The following CPLX2 variants were observed in gnomAD, a reference collection of about 807,000 sequenced individuals.
CPLX2 encodes complexin-2.
Under a neutral mutation model 16.3 loss-of-function variants are expected in CPLX2, and 5 were observed. That is an observed-to-expected ratio of 0.31 (90% CI 0.16 to 0.64). The LOEUF is 0.64. Ranked by LOEUF, CPLX2 falls within the 30% of genes least tolerant of loss-of-function variation. The pLI is 0.79. For missense variants in CPLX2, 144 were observed against 181.4 expected (o/e 0.79, Z 1.18); for synonymous variants, 89 against 73.2 (o/e 1.22, Z -1.10).
intron 2 of CPLX2, among the ~76,000 whole-genome samples, chr5:175,810,949 T>C (rs750624992): frequency 6.6e-6 from 1 of 152,238 alleles, no homozygotes; most frequent in Non-Finnish European, 1.5e-5. Flanking sequence ...GCCTGTGTTA[T>C]AGATTCTATT....
Position 175,830,305 on chromosome 5 carries a change from G to A in CPLX2, c.-89+21237G>A, listed in dbSNP as rs1758711011. ...TTTCACAACTCATGAGAGAGGAAGA[G>A]ATGATTAGCCCCATTTTTCAGCTGA... On this transcript the variant is annotated intron_variant, in intron 2 of 4. Transcript: ENST00000359546. The surrounding 1 kb of genome is among the most constrained non-coding windows in gnomAD (Gnocchi z 4.0). Among the ~76,000 whole-genome samples, 1 of 152,202 alleles carries A rather than the reference G, an allele frequency of 6.6e-6. No individual in the cohort carries two copies. Among genetic ancestry groups the A allele is most frequent in the African/African-American group, 2.4e-5 (1 of 41,450 alleles).
At chr5:175,825,701 C>G (rs1758599482) in intron 2 of CPLX2, among the ~76,000 whole-genome samples, 1 of 152,146 alleles carries the variant, frequency 6.6e-6, no homozygotes, top group African/African-American at 2.4e-5. Context: ...CCACCATCTG[C>G]TTCCACATCT....
chr5:175,839,973 G>T (rs117693740), intron 2 of CPLX2, among the ~76,000 whole-genome samples: 1 of 152,174 alleles, frequency 6.6e-6, no homozygotes, highest in Non-Finnish European at 1.5e-5. Flanking sequence ...TGGGGGGAAG[G>T]TTATCACCCT....
At position 175,845,497 on chromosome 5, in the gene CPLX2, C is replaced by T. The variant is rs996405693; in HGVS notation, c.-88-33155C>T. Reference sequence around the variant, plus strand: ...GCAGATTATCCCATCAGGCAAAGGTCACTCCCCCTCATGAGGGCCACTCCC... The same window carrying T: ...GCAGATTATCCCATCAGGCAAAGGTTACTCCCCCTCATGAGGGCCACTCCC... On this transcript the variant is annotated intron_variant, in intron 2 of 4. Coordinates refer to the CPLX2 transcript ENST00000359546. The surrounding 1 kb of genome is among the most constrained non-coding windows in gnomAD (Gnocchi z 4.0). Among the ~76,000 whole-genome samples the T allele has an allele frequency of 6.6e-6, 1 of 152,228 alleles. No individual in the cohort carries two copies. Among genetic ancestry groups the T allele is most frequent in the Non-Finnish European group, 1.5e-5 (1 of 68,030 alleles).
At chr5:175,811,156 T>C (rs946040237) in intron 2 of CPLX2, among the ~76,000 whole-genome samples, 3 of 152,214 alleles carry the variant, frequency 2.0e-5, no homozygotes, top group African/African-American at 7.2e-5. Flanking sequence ...GAATGAATGA[T>C]TATGAATGAT....
chr5:175,853,142 A>T (rs1339188775), intron 2 of CPLX2, among the ~76,000 whole-genome samples: 5 of 152,214 alleles, frequency 3.3e-5, no homozygotes, highest in Non-Finnish European at 7.3e-5. Flanking sequence ...TAAAGTGCCC[A>T]TGTGAGGTTT....
intron 1 of CPLX2, among the ~76,000 whole-genome samples, chr5:175,806,664 A>AT (rs5873514): frequency 0.76 from 108,587 of 142,964 alleles, 41,138 homozygotes; most frequent in East Asian, 0.89. Context: ...TTAATTTTGT[A>AT]TTTTTTTTTT....
In CPLX2 at chr5:175,824,601, A is replaced by G. The variant is rs367738469; in HGVS notation, c.-89+15533A>G. ...AACTTGGCAGTGAAACAGGCCAAGC[A>G]GGGGACCTGAAAGTCAAGAGGAGGG... On this transcript the variant is annotated intron_variant, in intron 2 of 4. Coordinates refer to the CPLX2 transcript ENST00000359546. Among the ~76,000 whole-genome samples, 6 of 152,336 alleles carry G rather than the reference A, an allele frequency of 3.9e-5. No homozygotes were observed. In the East Asian group the frequency reaches 9.7e-4, roughly 25 times the overall value.
In CPLX2 at chr5:175,880,290, A is replaced by AG. The variant is rs150763264; in HGVS notation, c.*251dup. ...GGACAGTCTTTCCCCAGCAGGGGTC[A>AG]GGGGGGCCCCTCAGGAAGCCTAAGG... On this transcript the variant is annotated 3_prime_UTR_variant, in exon 4 of 4. Coordinates refer to ENST00000393745, the MANE Select transcript of CPLX2 (RefSeq NM_001008220.2). The AG allele has an allele frequency of 0.082, 47,304 of 574,472 alleles. 2,661 individuals carry two copies. The highest frequency in any genetic ancestry group is 0.24 in the East Asian group (7,209 of 29,988). The allele number at this position is 574,472 out of a possible 1,614,324, so 35.6% of individuals were successfully genotyped here. A position where few individuals can be genotyped will look rare whatever the true frequency, so the allele number is the denominator to read the frequency against.
Position 175,807,685 on chromosome 5 carries a change from C to CACTT in CPLX2, c.-168-1300_-168-1297dup, listed in dbSNP as rs1581067575. Among the ~76,000 whole-genome samples the CACTT allele has an allele frequency of 5.8e-5, 3 of 51,758 alleles. No individual in the cohort carries two copies. The East Asian group carries it at 3.1e-3, about 53-fold the overall frequency. The allele number at this position is 51,758 out of a possible 152,430, so 34.0% of individuals were successfully genotyped here. Reference sequence around the variant, plus strand: ...ACACAGCCTGGCAGAGTCATTCACCCACTTACTCATCATTCATTCATTCAT... The same window carrying CACTT: ...ACACAGCCTGGCAGAGTCATTCACCCACTTACTTACTCATCATTCATTCATTCAT... On this transcript the variant is annotated intron_variant, in intron 1 of 4. Coordinates refer to the CPLX2 transcript ENST00000359546.
intron 1 of CPLX2, among the ~76,000 whole-genome samples, chr5:175,875,244 G>C (rs1759730147): frequency 6.6e-6 from 1 of 152,150 alleles, no homozygotes; most frequent in Non-Finnish European, 1.5e-5. Context: ...GAAGGAGTTA[G>C]AGAAGGGAGG....
chr5:175,804,262 G>T (rs1407600232), intron 1 of CPLX2, among the ~76,000 whole-genome samples: 1 of 152,208 alleles, frequency 6.6e-6, no homozygotes, highest in Non-Finnish European at 1.5e-5. Context: ...GCCAAGCACT[G>T]TTCCCACTAG....
chr5:175,876,144 C>A (rs1403285398), intron 1 of CPLX2, among the ~76,000 whole-genome samples: 4 of 152,214 alleles, frequency 2.6e-5, no homozygotes, highest in Non-Finnish European at 5.9e-5. Flanking sequence ...TACCCCCACA[C>A]TCACATACAC....
intron 2 of CPLX2, chr5:175,861,834 G>A (rs1759380033): frequency 6.6e-6 from 1 of 152,192 alleles, no homozygotes; most frequent in African/African-American, 2.4e-5. Flanking sequence ...GGTGTAGGCT[G>A]GAAACTGGGA....
intron 2 of CPLX2, among the ~76,000 whole-genome samples, chr5:175,865,976 C>T (rs1354025032): frequency 6.6e-6 from 1 of 152,210 alleles, no homozygotes; most frequent in Non-Finnish European, 1.5e-5. Flanking sequence ...CTAAAATGGT[C>T]TTTTGCATGA....
chr5:175,813,130 A>T (rs1758343378), intron 2 of CPLX2, among the ~76,000 whole-genome samples: 1 of 152,218 alleles, frequency 6.6e-6, no homozygotes. Flanking sequence ...GCTGTACAAG[A>T]TGACTTTAGC....
At chr5:175,857,107 T>C (rs1759272523) in intron 2 of CPLX2, among the ~76,000 whole-genome samples, 1 of 152,218 alleles carries the variant, frequency 6.6e-6, no homozygotes, top group South Asian at 2.1e-4. Flanking sequence ...TCACTAGGGC[T>C]GATGAGGTCC....
intron 2 of CPLX2, among the ~76,000 whole-genome samples, chr5:175,834,907 G>A (rs543207056): frequency 3.9e-5 from 6 of 152,226 alleles, no homozygotes; most frequent in Non-Finnish European, 5.9e-5. Context: ...ACAAACAAAC[G>A]AAAGTTTTGT....
At chr5:175,822,193 C>A (rs1333815498) in intron 2 of CPLX2, among the ~76,000 whole-genome samples, 1 of 152,122 alleles carries the variant, frequency 6.6e-6, no homozygotes, top group Non-Finnish European at 1.5e-5. Context: ...TTTTTTTCTT[C>A]CCCACCTGTC....
Sources: gnomAD v4.1 joint callset for allele counts (sites outside exome capture counted in the v4.1 genomes callset) on GRCh38, gnomAD v4.1.1 for gene constraint, Gnocchi (gnomAD v3.1) non-coding constraint, MANE v1.5 for transcripts, NCBI Gene and HGNC (gene_info 2026-07-23, HGNC 2026-07-21) for gene names.